Variants in PRKACG observed in about 807,000 individuals in gnomAD.
The protein encoded by PRKACG is cAMP-dependent protein kinase catalytic subunit gamma.
PRKACG carries 24 observed loss-of-function variants against 25.6 expected under a neutral mutation model. The ratio of observed to expected loss-of-function variants is 0.94; its 90% CI spans 0.68 to 1.32. The LOEUF is 1.32. PRKACG is among the 40% of genes most tolerant of loss of function. The pLI, the probability that PRKACG is intolerant of heterozygous loss-of-function variation, is 0.00. For missense variants in PRKACG, 481 were observed against 462.9 expected (o/e 1.04, Z -0.36); for synonymous variants, 202 against 195.9 (o/e 1.03, Z -0.26).
chr9:69,012,973 C>A lies in PRKACG; in HGVS notation c.*64G>T. On this transcript the variant is annotated 3_prime_UTR_variant, in exon 1 of 1. Coordinates refer to ENST00000377276, the MANE Select transcript of PRKACG (RefSeq NM_002732.4). ...GGCCCTCTGGCTGTTCAATCCAACC[C>A]TCCCATCCCCCAAACCACCAAAAAC... The A allele has an allele frequency of 6.6e-7, 1 of 1,516,892 alleles. No individual in the cohort carries two copies. The highest frequency in any genetic ancestry group is 8.9e-7 in the Non-Finnish European group (1 of 1,125,618). The allele number at this position is 1,516,892 out of a possible 1,614,324, so 94.0% of individuals were successfully genotyped here. A position where few individuals can be genotyped will look rare whatever the true frequency, so the allele number is the denominator to read the frequency against.
At position 69,012,769 on chromosome 9, in the gene PRKACG, G is replaced by A. The variant is rs187783506; in HGVS notation, c.*268C>T. ...AGAAACTCGTTTAAAACAGGCAGAA[G>A]GGGGCTGGGGCAAGGGGGACCCTGT... is the stretch of plus-strand genomic sequence containing the variant. On this transcript the variant is annotated 3_prime_UTR_variant, in exon 1 of 1. Coordinates refer to ENST00000377276, the MANE Select transcript of PRKACG (RefSeq NM_002732.4). 7.0e-5 allele frequency: 32 copies of A among 459,832 alleles called. No homozygotes were observed. The highest frequency in any genetic ancestry group is 5.8e-4 in the African/African-American group (30 of 51,360). The allele number at this position is 459,832 out of a possible 1,614,324, so 28.5% of individuals were successfully genotyped here.
In PRKACG at chr9:69,013,198, C is replaced by G. The variant is rs1831292354; in HGVS notation, c.895G>C (p.Ala299Pro). The G allele has an allele frequency of 1.2e-6, 2 of 1,614,102 alleles. No homozygotes were observed. Among genetic ancestry groups the G allele is most frequent in the Non-Finnish European group, 1.7e-6 (2 of 1,180,024 alleles). The change falls in exon 1 of 1, where the codon GCC (alanine) becomes CCC (proline). Residue 299 changes from alanine (A) to proline (P), a missense_variant. Coordinates refer to ENST00000377276, the MANE Select transcript of PRKACG (RefSeq NM_002732.4). ...VGDIKNHKWFATTSWIAIYEK... is the reference protein window; with the variant it reads ...VGDIKNHKWFPTTSWIAIYEK... ...TAGATGGCGATCCAGCTGGTTGTGGCGAACCACTTGTGGTTCTTGATGTCG... is the reference window on the plus strand; with the variant it reads ...TAGATGGCGATCCAGCTGGTTGTGGGGAACCACTTGTGGTTCTTGATGTCG...
chr9:69,013,312 TGG>T lies in PRKACG; in HGVS notation c.779_780del (p.Ser260Ter). 6.2e-7 allele frequency: 1 copy of T among 1,614,118 alleles called. No homozygotes were observed. Among genetic ancestry groups the T allele is most frequent in the South Asian group, 1.1e-5 (1 of 91,068 alleles). ...KIVSGRVRFP[S>X]KLSSDLKHLL... is the part of the protein sequence containing the mutation. Reference sequence around the variant, plus strand: ...AGATGCTTGAGGTCAGAGCTGAGTTTGGAGGGAAACCGCACCCTCCCAGAGAC... The same window carrying T: ...AGATGCTTGAGGTCAGAGCTGAGTTTAGGGAAACCGCACCCTCCCAGAGAC... On this transcript the variant is annotated frameshift_variant, in exon 1 of 1. Transcript: ENST00000377276. LOFTEE classifies it high-confidence loss of function.
At position 69,013,538 on chromosome 9, in the gene PRKACG, G is replaced by A. The variant is rs187857817; in HGVS notation, c.555C>T (p.Asp185=). The change falls in exon 1 of 1, where the codon GAC becomes GAT. Residue 185 remains aspartate (D), a synonymous_variant. Transcript: ENST00000377276. ...IDQQGYLQVT[D]FGFAKRVKGR... ...CCTTCACGCGCTTGGCGAAACCGAA[G>A]TCCGTCACCTGCAGGTAGCCCTGCT... is the stretch of plus-strand genomic sequence containing the variant. 2.2e-5 allele frequency: 36 copies of A among 1,614,046 alleles called. No individual in the cohort carries two copies. The Admixed American group carries it at 4.2e-4, about 19-fold the overall frequency.
rs1831289863 is a variant in PRKACG, at chr9:69,013,036, C to T, written c.*1G>A. 3 of 1,612,918 alleles carry T rather than the reference C, an allele frequency of 1.9e-6. No individual in the cohort carries two copies. The highest frequency in any genetic ancestry group is 4.5e-5 in the East Asian group (2 of 44,854). On this transcript the variant is annotated 3_prime_UTR_variant, in exon 1 of 1. Transcript: ENST00000377276. ...AAACCCACAGGGGCACAAGCACACC[C>T]CTAAAACTCAGAAAACTCCTTGGCA... is the stretch of plus-strand genomic sequence containing the variant.
rs1480848310 is a variant in PRKACG at position 69,013,613 on chromosome 9, C to T, written c.480G>A (p.Ser160=). ...TCAGGTCGCGGTGGATGAGGTCGAG[C>T]GAGTGTAGGTACTGGACGGCCAGGA... ...QVVLAVQYLH[S]LDLIHRDLKP... The change falls in exon 1 of 1, where the codon TCG becomes TCA. Residue 160 remains serine (S), a synonymous_variant. Coordinates refer to ENST00000377276, the MANE Select transcript of PRKACG (RefSeq NM_002732.4). 1.2e-6 allele frequency: 2 copies of T among 1,613,000 alleles called. No individual in the cohort carries two copies. Among genetic ancestry groups the T allele is most frequent in the Non-Finnish European group, 1.7e-6 (2 of 1,179,532 alleles).
At position 69,012,845 on chromosome 9, in the gene PRKACG, T is replaced by G. The variant is rs201015330; in HGVS notation, c.*192A>C. On this transcript the variant is annotated 3_prime_UTR_variant, in exon 1 of 1. Coordinates refer to ENST00000377276, the MANE Select transcript of PRKACG (RefSeq NM_002732.4). ...GGGACCAGGAAGGCATGGGGGGGGG[T>G]GAGGGAGCAGCTGGTGTTTCTGTTC... 1.6e-4 allele frequency: 91 copies of G among 558,120 alleles called. No individual in the cohort carries two copies. Among genetic ancestry groups the G allele is most frequent in the African/African-American group, 2.8e-4 (14 of 50,172 alleles). 34.6% of individuals were successfully genotyped at this position (558,120 alleles called of 1,614,324 possible).
rs183196643 is a variant in PRKACG at position 69,012,719 on chromosome 9, G to C, written c.*318C>G. Reference sequence around the variant, plus strand: ...CCACACCGTGTCCCTTGATACAACAGCAAGACCTGGCCTGAATAGAGCTGA... The same window carrying C: ...CCACACCGTGTCCCTTGATACAACACCAAGACCTGGCCTGAATAGAGCTGA... On this transcript the variant is annotated 3_prime_UTR_variant, in exon 1 of 1. Coordinates refer to ENST00000377276, the MANE Select transcript of PRKACG (RefSeq NM_002732.4). 11 of 294,748 alleles carry C rather than the reference G, an allele frequency of 3.7e-5. No homozygotes were observed. The highest frequency in any genetic ancestry group is 1.9e-4 in the African/African-American group (9 of 46,814). 18.3% of individuals were successfully genotyped at this position (294,748 alleles called of 1,614,324 possible).
Position 69,013,053 on chromosome 9 carries a change from T to C in PRKACG, c.1040A>G (p.Glu347Gly). ...AGCACACCCCTAAAACTCAGAAAAC[T>C]CCTTGGCACACTTCTCATTGATGGA... Reference protein sequence around the residue: ...RISINEKCAKEFSEF With the variant: ...RISINEKCAKGFSEF The change falls in exon 1 of 1, where the codon GAG becomes GGG. Residue 347 changes from glutamate (E) to glycine (G), a missense_variant. Transcript: ENST00000377276. 1 of 1,613,598 alleles carries C rather than the reference T, an allele frequency of 6.2e-7. No homozygotes were observed. The highest frequency in any genetic ancestry group is 8.5e-7 in the Non-Finnish European group (1 of 1,179,812).
Position 69,013,483 on chromosome 9 carries a change from C to G in PRKACG, c.610G>C (p.Glu204Gln), listed in dbSNP as rs1192177573. The change falls in exon 1 of 1, where the codon GAG (glutamate) becomes CAG (glutamine). Residue 204 changes from glutamate to glutamine, a missense_variant. Transcript: ENST00000377276. ...AGGATGATCTCGGGGGCCAGGTACT[C>G]TGGGGTCCCGCACAAGGTCCAAGTG... is the stretch of plus-strand genomic sequence containing the variant. The part of the protein sequence containing the change: ...GRTWTLCGTP[E>Q]YLAPEIILSK... 3.1e-6 allele frequency: 5 copies of G among 1,614,042 alleles called. No individual in the cohort carries two copies. Among genetic ancestry groups the G allele is most frequent in the Admixed American group, 3.3e-5 (2 of 60,008 alleles).
chr9:69,012,920 GGATGAAATTA>G lies in PRKACG; in HGVS notation c.*107_*116del. On this transcript the variant is annotated 3_prime_UTR_variant, in exon 1 of 1. Transcript: ENST00000377276. ...CCCCCAACCCTGGAGGGTGGGGTGA[GGATGAAATTA>G]GATACAAGGAACTCTGGGGCCCTCT... 9.6e-7 allele frequency: 1 copy of G among 1,036,676 alleles called. No individual in the cohort carries two copies. The allele number at this position is 1,036,676 out of a possible 1,614,324, so 64.2% of individuals were successfully genotyped here. A position where few individuals can be genotyped will look rare whatever the true frequency, so the allele number is the denominator to read the frequency against.
Position 69,013,638 on chromosome 9 carries a change from A to C in PRKACG, c.455T>G (p.Val152Gly), listed in dbSNP as rs764700926. ...PHACFYAAQV[V>G]LAVQYLHSLD... ...CGAGTGTAGGTACTGGACGGCCAGG[A>C]CGACCTGGGCGGCATAGAAACAGGC... The change falls in exon 1 of 1, where the codon GTC becomes GGC. Residue 152 changes from valine (V) to glycine (G), a missense_variant. Physicochemically the swap from Val to Gly is moderately radical, Grantham distance 109 (BLOSUM62 -3). Coordinates refer to ENST00000377276, the MANE Select transcript of PRKACG (RefSeq NM_002732.4). 1.7e-5 allele frequency: 28 copies of C among 1,613,834 alleles called. No individual in the cohort carries two copies. The highest frequency in any genetic ancestry group is 2.3e-5 in the Non-Finnish European group (27 of 1,179,896).
In PRKACG at chr9:69,014,068, CCTT is replaced by C. The variant is rs757053828; in HGVS notation, c.22_24del (p.Lys8del). On this transcript the variant is annotated inframe_deletion, in exon 1 of 1. Transcript: ENST00000377276. ...TTCACGCTCTCCTCCTGCTCGGTGTCCTTCTTGGCGGGGGCGTTGCCCATGGCG... is the reference window on the plus strand; with the variant it reads ...TTCACGCTCTCCTCCTGCTCGGTGTCCTTGGCGGGGGCGTTGCCCATGGCG... 6 of 1,607,072 alleles carry C rather than the reference CCTT, an allele frequency of 3.7e-6. No homozygotes were observed. In the East Asian group the frequency reaches 1.3e-4, roughly 36 times the overall value.
chr9:69,013,759 TA>T lies in PRKACG; in HGVS notation c.333del (p.Phe111LeufsTer10). 1 of 1,613,932 alleles carries T rather than the reference TA, an allele frequency of 6.2e-7. No individual in the cohort carries two copies. Among genetic ancestry groups the T allele is most frequent in the Non-Finnish European group, 8.5e-7 (1 of 1,180,002 alleles). On this transcript the variant is annotated frameshift_variant, in exon 1 of 1. Transcript: ENST00000377276. LOFTEE classifies it high-confidence loss of function. Reference protein sequence around the residue: ...FPFLVKLQFSFKDNSYLYLVM... With the variant: ...FPFLVKLQFSXKDNSYLYLVM... ...ACCAGGTACAGGTAGGAGTTGTCCT[TA>T]AAGGAGAACTGGAGCTTGACGAGGA...
In PRKACG at chr9:69,012,971, C is replaced by T. The variant is rs923335869; in HGVS notation, c.*66G>A. 2.0e-6 allele frequency: 3 copies of T among 1,505,052 alleles called. No individual in the cohort carries two copies. The highest frequency in any genetic ancestry group is 2.8e-5 in the African/African-American group (2 of 71,596). 93.2% of individuals were successfully genotyped at this position (1,505,052 alleles called of 1,614,324 possible). A position where few individuals can be genotyped will look rare whatever the true frequency, so the allele number is the denominator to read the frequency against. On this transcript the variant is annotated 3_prime_UTR_variant, in exon 1 of 1. Transcript: ENST00000377276. ...GGGGCCCTCTGGCTGTTCAATCCAA[C>T]CCTCCCATCCCCCAAACCACCAAAA... is the stretch of plus-strand genomic sequence containing the variant.
chr9:69,012,820 G>GGGACC lies in PRKACG; in HGVS notation c.*212_*216dup. 1.8e-6 allele frequency: 1 copy of GGGACC among 566,806 alleles called. No homozygotes were observed. The highest frequency in any genetic ancestry group is 3.1e-6 in the Non-Finnish European group (1 of 322,274). 35.1% of individuals were successfully genotyped at this position (566,806 alleles called of 1,614,324 possible). A position where few individuals can be genotyped will look rare whatever the true frequency, so the allele number is the denominator to read the frequency against. On this transcript the variant is annotated 3_prime_UTR_variant, in exon 1 of 1. Transcript: ENST00000377276. ...GGGAGGAGAAAGAGAGAAGCACAGA[G>GGGACC]GGACCAGGAAGGCATGGGGGGGGGT...
In PRKACG at chr9:69,014,078, G is replaced by T; in HGVS notation, c.15C>A (p.Pro5=). 2 of 1,601,660 alleles carry T rather than the reference G, an allele frequency of 1.2e-6. No homozygotes were observed. The highest frequency in any genetic ancestry group is 1.7e-6 in the Non-Finnish European group (2 of 1,173,966). MGNA[P]AKKDTEQEES... ...CCTCCTGCTCGGTGTCCTTCTTGGC[G>T]GGGGCGTTGCCCATGGCGGTGGCGG... Residue 5 remains proline, a synonymous_variant, in exon 1 of 1, where the codon CCC becomes CCA. Transcript: ENST00000377276.
At position 69,012,839 on chromosome 9, in the gene PRKACG, G is replaced by GC. The variant is rs373006197; in HGVS notation, c.*197_*198insG. 2.8e-5 allele frequency: 15 copies of GC among 528,670 alleles called. No homozygotes were observed. In the Admixed American group the frequency reaches 3.2e-4, roughly 11 times the overall value. 32.7% of individuals were successfully genotyped at this position (528,670 alleles called of 1,614,324 possible). A position where few individuals can be genotyped will look rare whatever the true frequency, so the allele number is the denominator to read the frequency against. ...CACAGAGGGACCAGGAAGGCATGGG[G>GC]GGGGGTGAGGGAGCAGCTGGTGTTT... is the stretch of plus-strand genomic sequence containing the variant. On this transcript the variant is annotated 3_prime_UTR_variant, in exon 1 of 1. Coordinates refer to ENST00000377276, the MANE Select transcript of PRKACG (RefSeq NM_002732.4).
rs1831302021 is a variant in PRKACG at position 69,013,741 on chromosome 9, A to C, written c.352T>G (p.Tyr118Asp). 1.2e-6 allele frequency: 2 copies of C among 1,613,942 alleles called. No individual in the cohort carries two copies. Among genetic ancestry groups the C allele is most frequent in the Non-Finnish European group, 8.5e-7 (1 of 1,180,016 alleles). The change falls in exon 1 of 1, where the codon TAC (tyrosine) becomes GAC (aspartate). Residue 118 changes from tyrosine (Y) to aspartate (D), a missense_variant. Tyr to Asp is a radical substitution (Grantham distance 160). Transcript: ENST00000377276. ...CCCGGCACGTACTCCATCACCAGGT[A>C]CAGGTAGGAGTTGTCCTTAAAGGAG... is the stretch of plus-strand genomic sequence containing the variant. ...QFSFKDNSYL[Y>D]LVMEYVPGGE...
Sources: allele counts gnomAD v4.1 joint callset, GRCh38; gene constraint gnomAD v4.1.1; transcripts MANE v1.5; gene names NCBI Gene and HGNC (gene_info 2026-07-23, HGNC 2026-07-21).